The following KCNQ3 variants were observed in gnomAD, a reference collection of about 807,000 sequenced individuals.
The protein encoded by KCNQ3 is potassium voltage-gated channel subfamily Q member 3.
A neutral mutation model predicts 92.5 loss-of-function variants in KCNQ3; 30 were observed. That is an observed-to-expected ratio of 0.32 (90% CI 0.24 to 0.44). The LOEUF (loss-of-function observed/expected upper bound fraction) is 0.44. Among genes scored for constraint, KCNQ3 ranks in the 20% least tolerant of loss-of-function variants. The pLI, the probability that KCNQ3 is intolerant of heterozygous loss-of-function variation, is 1.00. For synonymous variants in KCNQ3, 450 were observed against 468.8 expected, an observed-to-expected ratio of 0.96 and a Z score of 0.52; for missense variants, 913 against 1,140.3, an observed-to-expected ratio of 0.80 and a Z score of 2.87.
At chr8:132,395,170 A>G (rs1033992893) in intron 1 of KCNQ3, among the ~76,000 whole-genome samples, 1 of 152,244 alleles carries the variant, frequency 6.6e-6, no homozygotes, top group Non-Finnish European at 1.5e-5. Flanking sequence ...GTATTCATGA[A>G]GTACATAGTG....
chr8:132,148,082 T>G (rs371741856), intron 9 of KCNQ3, among the ~76,000 whole-genome samples: 1 of 152,138 alleles, frequency 6.6e-6, no homozygotes. Flanking sequence ...TAAATGAAAG[T>G]TGCTGTCAGT....
intron 1 of KCNQ3, among the ~76,000 whole-genome samples, chr8:132,244,398 G>C (rs1430423027): frequency 6.6e-6 from 1 of 151,496 alleles, no homozygotes; most frequent in African/African-American, 2.4e-5. Flanking sequence ...AAGTGAGGGA[G>C]AGAAGGAAAG....
intron 1 of KCNQ3, among the ~76,000 whole-genome samples, chr8:132,316,482 G>A (rs893829452): frequency 6.6e-6 from 1 of 152,190 alleles, no homozygotes; most frequent in Non-Finnish European, 1.5e-5. Context: ...AGTAAAGCAG[G>A]AAAAACAGGA....
chr8:132,191,957 A>G (rs573858489), intron 1 of KCNQ3, among the ~76,000 whole-genome samples: 1 of 152,302 alleles, frequency 6.6e-6, no homozygotes, highest in South Asian at 2.1e-4. Context: ...GACCGCGAAG[A>G]TAAGAAGCTA....
chr8:132,133,562 G>A (rs1824958733), intron 13 of KCNQ3, among the ~76,000 whole-genome samples: 1 of 151,924 alleles, frequency 6.6e-6, no homozygotes, highest in Non-Finnish European at 1.5e-5. Flanking sequence ...CACTATGTTG[G>A]CCAGGCTGGT....
At chr8:132,190,907 C>T (rs1194054771) in intron 1 of KCNQ3, among the ~76,000 whole-genome samples, 1 of 152,202 alleles carries the variant, frequency 6.6e-6, no homozygotes, top group African/African-American at 2.4e-5. Context: ...CTCTATTAGA[C>T]TCTGCTCATG....
At chr8:132,137,754 G>C in intron 12 of KCNQ3, 131 bp downstream of exon 12, 1 of 1,146,182 alleles carries the variant, frequency 8.7e-7, no homozygotes, top group Non-Finnish European at 1.3e-6. Flanking sequence ...CATCCACAAG[G>C]CTTCGTGGAT....
At chr8:132,238,020 C>T (rs1347421589) in intron 1 of KCNQ3, among the ~76,000 whole-genome samples, 1 of 152,116 alleles carries the variant, frequency 6.6e-6, no homozygotes, top group Non-Finnish European at 1.5e-5. Context: ...AGAAAGAGAA[C>T]ACAGTAAAGC....
At chr8:132,406,020 T>C (rs960221548) in intron 1 of KCNQ3, among the ~76,000 whole-genome samples, 5 of 152,082 alleles carry the variant, frequency 3.3e-5, no homozygotes, top group African/African-American at 9.7e-5. Flanking sequence ...GCAGTGTGTG[T>C]GTGGGTGACT....
At chr8:132,201,981 T>C (rs1827475847) in intron 1 of KCNQ3, among the ~76,000 whole-genome samples, 1 of 152,192 alleles carries the variant, frequency 6.6e-6, no homozygotes, top group South Asian at 2.1e-4. Context: ...CAGAATTAGC[T>C]CCACGTTTAA....
At chr8:132,339,991 A>G (rs1311511941) in intron 1 of KCNQ3, among the ~76,000 whole-genome samples, 1 of 152,216 alleles carries the variant, frequency 6.6e-6, no homozygotes, top group Non-Finnish European at 1.5e-5. Flanking sequence ...AAAGTTAGAT[A>G]AGGAGTTTCA....
At chr8:132,209,284 C>T (rs754589301) in intron 1 of KCNQ3, among the ~76,000 whole-genome samples, 36 of 152,158 alleles carry the variant, frequency 2.4e-4, no homozygotes, top group Non-Finnish European at 4.7e-4. Flanking sequence ...TTCTCTAAAC[C>T]TGTGCTCCTC....
At position 132,337,514 on chromosome 8, in the gene KCNQ3, A is replaced by AAAAC. The variant is rs201598547; in HGVS notation, c.386+142629_386+142632dup. Among the ~76,000 whole-genome samples the AAAAC allele has an allele frequency of 6.3e-3, 959 of 152,200 alleles. 10 individuals carry two copies. Among genetic ancestry groups the AAAAC allele is most frequent in the African/African-American group, 0.022 (900 of 41,508 alleles). On this transcript the variant is annotated intron_variant, in intron 1 of 14. Transcript: ENST00000388996. ...GCAAGACCTTGTCAAAACAAAAACA[A>AAAAC]AAACAAACAAACAAACAAACAAAAC...
At chr8:132,367,914 T>C (rs1419642126) in intron 1 of KCNQ3, among the ~76,000 whole-genome samples, 1 of 152,152 alleles carries the variant, frequency 6.6e-6, no homozygotes, top group African/African-American at 2.4e-5. Flanking sequence ...AGTAGGTGAT[T>C]ATTGAAAACT....
chr8:132,235,999 AC>A (rs753891114), intron 1 of KCNQ3, among the ~76,000 whole-genome samples: 6 of 152,108 alleles, frequency 3.9e-5, no homozygotes, highest in Non-Finnish European at 8.8e-5. Context: ...AGTCTCTAAG[AC>A]CCAGCACATG....
intron 9 of KCNQ3, 97 bp downstream of exon 9, chr8:132,163,354 AAGACTCTATCTTGGGAC>A: frequency 7.9e-6 from 7 of 889,638 alleles, no homozygotes; most frequent in Non-Finnish European, 9.5e-6. Flanking sequence ...TGTGACCCCA[AAGACTCTATCTTGGGAC>A]CAGCATGACC....
Position 132,174,231 on chromosome 8 carries a change from G to A in KCNQ3, c.1044+8C>T, listed in dbSNP as rs1265779604. On this transcript the variant is annotated splice_region_variant and intron_variant, in intron 6 of 14. Transcript: ENST00000388996. The stretch of plus-strand genomic sequence containing the variant: ...ACATTGGGGATGTCATATATCAAAG[G>A]TACTTACCGCTGGAAGGGCAAAAAA... The A allele has an allele frequency of 6.5e-7, 1 of 1,545,344 alleles. No individual in the cohort carries two copies. Among genetic ancestry groups the A allele is most frequent in the Non-Finnish European group, 8.8e-7 (1 of 1,142,116 alleles).
chr8:132,312,436 C>T (rs1817622391), intron 1 of KCNQ3, among the ~76,000 whole-genome samples: 1 of 152,022 alleles, frequency 6.6e-6, no homozygotes, highest in Admixed American at 6.6e-5. Context: ...GATGCAGCTA[C>T]CACAGGCAGA....
At chr8:132,149,800 T>A (rs1037887706) in intron 9 of KCNQ3, among the ~76,000 whole-genome samples, 3 of 151,778 alleles carry the variant, frequency 2.0e-5, no homozygotes, top group African/African-American at 7.3e-5. Flanking sequence ...CCATGCAGGG[T>A]AAGTATGAGC....
Sources: allele counts gnomAD v4.1 joint callset (sites outside exome capture counted in the v4.1 genomes callset), GRCh38; gene constraint gnomAD v4.1.1; transcripts MANE v1.5; gene names NCBI Gene and HGNC (gene_info 2026-07-23, HGNC 2026-07-21).